Variants in GPR139 observed in about 807,000 individuals in gnomAD.
GPR139 encodes the protein probable G protein-coupled receptor 139.
In GPR139, 12 loss-of-function variants were observed where a neutral mutation model predicts 25.8. The ratio of observed to expected loss-of-function variants is 0.47; its 90% CI spans 0.30 to 0.75. The LOEUF is 0.75. Among genes scored for constraint, GPR139 ranks in the 30% least tolerant of loss-of-function variants. GPR139 has a pLI of 0.07. For synonymous variants in GPR139, 184 were observed against 179.9 expected, an observed-to-expected ratio of 1.02 and a Z score of -0.18; for missense variants, 380 against 450.2, an observed-to-expected ratio of 0.84 and a Z score of 1.41.
At position 20,073,514 on chromosome 16, in the gene GPR139, G is replaced by T. The variant is rs1346374230; in HGVS notation, c.103C>A (p.Leu35Ile). Residue 35 changes from leucine (L) to isoleucine (I), a missense_variant, in exon 1 of 2, where the codon CTC becomes ATC. By Grantham distance (5) the Leu-to-Ile change is conservative. Coordinates refer to ENST00000570682, the MANE Select transcript of GPR139 (RefSeq NM_001002911.4). This position sits in a 1 kb window ranked among gnomAD's most constrained non-coding sequence, Gnocchi z 4.7. ...CCTGGTAAACCGAGGCACAGCAAGA[G>T]GCTGTAGTAGACCACGGGCACGAAA... Reference protein sequence around the residue: ...LGFVPVVYYSLLLCLGLPANI... With the variant: ...LGFVPVVYYSILLCLGLPANI... 1 of 1,611,650 alleles carries T rather than the reference G, an allele frequency of 6.2e-7. No homozygotes were observed.
At chr16:20,034,218 C>A (rs1295257663) in intron 1 of GPR139, among the ~76,000 whole-genome samples, 1 of 151,258 alleles carries the variant, frequency 6.6e-6, no homozygotes, top group South Asian at 2.1e-4. Context: ...ATCCAGATCT[C>A]TCTCTCAGTC....
chr16:20,036,454 T>C (rs887865381), intron 1 of GPR139, among the ~76,000 whole-genome samples: 17 of 152,308 alleles, frequency 1.1e-4, no homozygotes, highest in Admixed American at 3.9e-4. Flanking sequence ...TTGGGTAATT[T>C]ACAAAGGAAA....
chr16:20,069,686 C>T (rs562032915), intron 1 of GPR139, among the ~76,000 whole-genome samples: 112 of 152,274 alleles, frequency 7.4e-4, no homozygotes, highest in African/African-American at 1.5e-3. Flanking sequence ...TGCACATCCC[C>T]GGCACTCTTT....
Position 20,032,233 on chromosome 16 carries a change from G to A in GPR139, c.564C>T (p.Cys188=), listed in dbSNP as rs1203738593. Residue 188 remains cysteine (C), a synonymous_variant, in exon 2 of 2, where the codon TGC becomes TGT. Transcript: ENST00000570682. ...SVHHVLIWIH[C]FTVYLVPCSI... ...AGCAGGGCACCAGGTAGACGGTGAA[G>A]CAGTGGATCCAGATGAGGACGTGAT... 7.4e-6 allele frequency: 12 copies of A among 1,614,106 alleles called. No homozygotes were observed. The highest frequency in any genetic ancestry group is 3.3e-5 in the Admixed American group (2 of 60,012).
intron 1 of GPR139, among the ~76,000 whole-genome samples, chr16:20,060,239 G>GGTGT (rs139651154): frequency 6.6e-6 from 1 of 150,642 alleles, no homozygotes; most frequent in Non-Finnish European, 1.5e-5. Flanking sequence ...TTGGCTGCAG[G>GGTGT]GTGTGTGTGT....
At position 20,028,343 on chromosome 16, in the gene GPR139, A is replaced by C. The variant is rs2182153; in HGVS notation, c.*3392T>G. The stretch of plus-strand genomic sequence containing the variant: ...CAATTATGATTTATCAATTAAAAAT[A>C]ATAGTAATAAAAATCAGCATACTGC... On this transcript the variant is annotated 3_prime_UTR_variant, in exon 2 of 2. Coordinates refer to ENST00000570682, the MANE Select transcript of GPR139 (RefSeq NM_001002911.4). Among the ~76,000 whole-genome samples the C allele has an allele frequency of 0.11, 17,065 of 152,252 alleles. 1,696 individuals are homozygous for C. The highest frequency in any genetic ancestry group is 0.26 in the African/African-American group (10,717 of 41,492).
intron 1 of GPR139, among the ~76,000 whole-genome samples, chr16:20,072,552 G>A (rs1196888631): frequency 6.6e-6 from 1 of 152,078 alleles, no homozygotes; most frequent in Non-Finnish European, 1.5e-5. Context: ...CACCAAGACT[G>A]CCTGCAAGGA....
intron 1 of GPR139, among the ~76,000 whole-genome samples, chr16:20,057,271 T>A (rs1045334713): frequency 1.3e-5 from 2 of 152,162 alleles, no homozygotes; most frequent in Non-Finnish European, 2.9e-5. Flanking sequence ...TTTCCCCATA[T>A]GCCAAATGAG....
intron 1 of GPR139, among the ~76,000 whole-genome samples, chr16:20,032,873 C>T (rs1021962623): frequency 2.0e-5 from 3 of 152,236 alleles, no homozygotes; most frequent in African/African-American, 7.2e-5. Flanking sequence ...TATATTCTAA[C>T]ACAACCATGA....
At chr16:20,064,549 A>G (rs1416492522) in intron 1 of GPR139, among the ~76,000 whole-genome samples, 2 of 152,232 alleles carry the variant, frequency 1.3e-5, no homozygotes, top group Non-Finnish European at 2.9e-5. Context: ...CTCAAACAAC[A>G]ACAACAAAAG....
intron 1 of GPR139, among the ~76,000 whole-genome samples, chr16:20,067,788 G>C (rs1467145825): frequency 1.7e-5 from 2 of 116,246 alleles, no homozygotes; most frequent in Non-Finnish European, 3.2e-5. Context: ...TGGGCAACTA[G>C]AGCAAAACTC....
Position 20,046,055 on chromosome 16 carries a change from A to G in GPR139, c.128-13386T>C, listed in dbSNP as rs138144158. ...CTTGGTTGTCGCTGTTTGATTAAACATCTTGTGCCAAGCATCATCCATCTG... is the reference window on the plus strand; with the variant it reads ...CTTGGTTGTCGCTGTTTGATTAAACGTCTTGTGCCAAGCATCATCCATCTG... On this transcript the variant is annotated intron_variant, in intron 1 of 1. Transcript: ENST00000570682. Among the ~76,000 whole-genome samples the G allele has an allele frequency of 2.0e-3, 309 of 152,278 alleles. 1 individual carries two copies. Among genetic ancestry groups the G allele is most frequent in the African/African-American group, 7.0e-3 (291 of 41,550 alleles).
At position 20,060,802 on chromosome 16, in the gene GPR139, G is replaced by A. The variant is rs534959444; in HGVS notation, c.127+12688C>T. ...CAGACACTCTGACCCTCTTGCTGTC[G>A]TGATATGTGTGTACCAGTCCCCTCC... On this transcript the variant is annotated intron_variant, in intron 1 of 1. Transcript: ENST00000570682. Among the ~76,000 whole-genome samples, 9 of 152,138 alleles carry A rather than the reference G, an allele frequency of 5.9e-5. No individual in the cohort carries two copies. The South Asian group carries it at 8.3e-4, about 14-fold the overall frequency.
chr16:20,058,391 G>A (rs1220124300), intron 1 of GPR139, among the ~76,000 whole-genome samples: 1 of 152,046 alleles, frequency 6.6e-6, no homozygotes, highest in Non-Finnish European at 1.5e-5. Flanking sequence ...TGAGGAAGGC[G>A]TGAACATAGC....
chr16:20,064,972 T>C (rs1341915096), intron 1 of GPR139, among the ~76,000 whole-genome samples: 1 of 152,238 alleles, frequency 6.6e-6, no homozygotes, highest in Non-Finnish European at 1.5e-5. Flanking sequence ...TTTCATGGGT[T>C]GGCATGCTTT....
At chr16:20,063,245 A>C (rs1370877197) in intron 1 of GPR139, among the ~76,000 whole-genome samples, 3 of 152,252 alleles carry the variant, frequency 2.0e-5, no homozygotes, top group Non-Finnish European at 4.4e-5. Flanking sequence ...GTAGTCTTAA[A>C]TAGAAATACA....
At chr16:20,061,809 G>A (rs1224015281) in intron 1 of GPR139, among the ~76,000 whole-genome samples, 4 of 152,208 alleles carry the variant, frequency 2.6e-5, no homozygotes, top group African/African-American at 9.7e-5. Flanking sequence ...CTGATCACTT[G>A]CTTTGCACTG....
rs541342472 is a variant in GPR139, at chr16:20,033,982, T to A, written c.128-1313A>T. On this transcript the variant is annotated intron_variant, in intron 1 of 1. Transcript: ENST00000570682. ...ATACATCTATATAATTTCTGATCAG[T>A]TTTTTTTTTAAAAAAAGTCTCCCTG... Among the ~76,000 whole-genome samples, 5 of 95,126 alleles carry A rather than the reference T, an allele frequency of 5.3e-5. No individual in the cohort carries two copies. The East Asian group carries it at 2.3e-3, about 44-fold the overall frequency. 62.4% of individuals were successfully genotyped at this position (95,126 alleles called of 152,430 possible). A position where few individuals can be genotyped will look rare whatever the true frequency, so the allele number is the denominator to read the frequency against.
intron 1 of GPR139, among the ~76,000 whole-genome samples, chr16:20,043,235 G>T (rs1057303420): frequency 6.6e-6 from 1 of 152,146 alleles, no homozygotes; most frequent in South Asian, 2.1e-4. Flanking sequence ...CAGCAGAATT[G>T]GTTCTGGCTT....
Sources: allele counts gnomAD v4.1 joint callset (sites outside exome capture counted in the v4.1 genomes callset), GRCh38; gene constraint gnomAD v4.1.1; non-coding constraint Gnocchi (gnomAD v3.1); transcripts MANE v1.5; gene names NCBI Gene and HGNC (gene_info 2026-07-23, HGNC 2026-07-21).